The following SLAMF8 variants were observed in gnomAD, a reference collection of about 807,000 sequenced individuals.
SLAMF8 encodes B lymphocyte activator macrophage expressed.
In SLAMF8, 23 loss-of-function variants were observed where a neutral mutation model predicts 29.0. That is an observed-to-expected ratio of 0.79 (90% confidence interval 0.57 to 1.13). The LOEUF (loss-of-function observed/expected upper bound fraction) is 1.13, where lower values mean the gene tolerates loss of function less well. Ranked by LOEUF, SLAMF8 falls within the 50% of genes most tolerant of loss-of-function variation. The pLI is 0.00. For synonymous variants in SLAMF8, 139 were observed against 145.6 expected (o/e 0.96, Z 0.32); for missense variants, 381 against 353.1 (o/e 1.08, Z -0.63).
rs1273322439 is a variant in SLAMF8, at chr1:159,837,012, T to G, written c.*1752T>G. ...GATGTGGAAAGGAAAGCCCAGGATC[T>G]GACAATGAGCCCTGGTGGATTTGTG... On this transcript the variant is annotated 3_prime_UTR_variant, in exon 5 of 5. Coordinates refer to ENST00000289707, the MANE Select transcript of SLAMF8 (RefSeq NM_020125.3). The G allele has an allele frequency of 2.0e-6, 2 of 985,326 alleles. No individual in the cohort carries two copies. Among genetic ancestry groups the G allele is most frequent in the Non-Finnish European group, 2.4e-6 (2 of 829,968 alleles). The allele number at this position is 985,326 out of a possible 1,614,324, so 61.0% of individuals were successfully genotyped here.
intron 1 of SLAMF8, among the ~76,000 whole-genome samples, chr1:159,828,842 G>A (rs950513455): frequency 1.4e-5 from 2 of 140,910 alleles, no homozygotes; most frequent in Non-Finnish European, 3.3e-5. Flanking sequence ...CAGCAAAGGA[G>A]TCAGGGGGGC....
At position 159,836,651 on chromosome 1, in the gene SLAMF8, C is replaced by T; in HGVS notation, c.*1391C>T. Reference sequence around the variant, plus strand: ...CTAGGATGTCAGCCCTGTCCAAGGACCTTCCCTCTTCTCCCCAGTTCCTGG... The same window carrying T: ...CTAGGATGTCAGCCCTGTCCAAGGATCTTCCCTCTTCTCCCCAGTTCCTGG... On this transcript the variant is annotated 3_prime_UTR_variant, in exon 5 of 5. Transcript: ENST00000289707. The T allele has an allele frequency of 1.0e-6, 1 of 985,456 alleles. No individual in the cohort carries two copies. Among genetic ancestry groups the T allele is most frequent in the Non-Finnish European group, 1.2e-6 (1 of 829,956 alleles). 61.0% of individuals were successfully genotyped at this position (985,456 alleles called of 1,614,324 possible). A position where few individuals can be genotyped will look rare whatever the true frequency, so the allele number is the denominator to read the frequency against.
In SLAMF8 at chr1:159,826,956, A is replaced by T; in HGVS notation, c.40+18A>T. ...CTGGGAAGGTAAGTGGGGCAGGCAG[A>T]TAGCCTGTCCTCGGAGAGCTGAAGG... On this transcript the variant is annotated intron_variant, in intron 1 of 4. Transcript: ENST00000289707. 6.2e-7 allele frequency: 1 copy of T among 1,614,042 alleles called. No individual in the cohort carries two copies. The highest frequency in any genetic ancestry group is 1.1e-5 in the South Asian group (1 of 91,082).
intron 1 of SLAMF8, among the ~76,000 whole-genome samples, chr1:159,829,211 G>C (rs1291688110): frequency 1.3e-5 from 2 of 152,140 alleles, no homozygotes; most frequent in Non-Finnish European, 2.9e-5. Context: ...ATCCCTGCTG[G>C]AGTGATCTTT....
In SLAMF8 at chr1:159,836,917, C is replaced by T. The variant is rs886128931; in HGVS notation, c.*1657C>T. 34 of 985,442 alleles carry T rather than the reference C, an allele frequency of 3.5e-5. No homozygotes were observed. The highest frequency in any genetic ancestry group is 4.1e-5 in the Non-Finnish European group (34 of 830,002). 61.0% of individuals were successfully genotyped at this position (985,442 alleles called of 1,614,324 possible). A position where few individuals can be genotyped will look rare whatever the true frequency, so the allele number is the denominator to read the frequency against. ...AACCTGTCAGCTTGCACCATCCCCACCTGCCACCTACAGTCAGGCCACATG... is the reference window on the plus strand; with the variant it reads ...AACCTGTCAGCTTGCACCATCCCCATCTGCCACCTACAGTCAGGCCACATG... On this transcript the variant is annotated 3_prime_UTR_variant, in exon 5 of 5. Transcript: ENST00000289707.
chr1:159,837,037 G>A lies in SLAMF8; in HGVS notation c.*1777G>A. ...TGACAATGAGCCCTGGTGGATTTGT[G>A]GGGAAAAAATACACAGCACTCCCCA... On this transcript the variant is annotated 3_prime_UTR_variant, in exon 5 of 5. Coordinates refer to ENST00000289707, the MANE Select transcript of SLAMF8 (RefSeq NM_020125.3). 5.1e-6 allele frequency: 5 copies of A among 985,354 alleles called. No individual in the cohort carries two copies. Among genetic ancestry groups the A allele is most frequent in the Non-Finnish European group, 6.0e-6 (5 of 829,932 alleles). 61.0% of individuals were successfully genotyped at this position (985,354 alleles called of 1,614,324 possible). A position where few individuals can be genotyped will look rare whatever the true frequency, so the allele number is the denominator to read the frequency against.
chr1:159,830,758 G>T (rs889229668), intron 2 of SLAMF8, among the ~76,000 whole-genome samples: 1 of 152,178 alleles, frequency 6.6e-6, no homozygotes, highest in Non-Finnish European at 1.5e-5. Context: ...GTAATTAAAA[G>T]TATAGAATTT....
chr1:159,832,351 A>T (rs1369618831), intron 2 of SLAMF8, among the ~76,000 whole-genome samples: 1 of 152,186 alleles, frequency 6.6e-6, no homozygotes, highest in African/African-American at 2.4e-5. Context: ...TTCTTGCCTG[A>T]CTTAATAAAT....
chr1:159,836,556 G>A lies in SLAMF8; in HGVS notation c.*1296G>A. Reference sequence around the variant, plus strand: ...TCAATCCAGTCTTGATAACAGCGAGGAAAGAGGTATTGAAGAAACAGGGGT... The same window carrying A: ...TCAATCCAGTCTTGATAACAGCGAGAAAAGAGGTATTGAAGAAACAGGGGT... On this transcript the variant is annotated 3_prime_UTR_variant, in exon 5 of 5. Transcript: ENST00000289707. 1.0e-6 allele frequency: 1 copy of A among 985,462 alleles called. No individual in the cohort carries two copies. Among genetic ancestry groups the A allele is most frequent in the South Asian group, 4.7e-5 (1 of 21,290 alleles). The allele number at this position is 985,462 out of a possible 1,614,324, so 61.0% of individuals were successfully genotyped here.
intron 1 of SLAMF8, 22 bp from the exon 2 acceptor site, chr1:159,829,844 A>T: frequency 6.3e-7 from 1 of 1,578,140 alleles, no homozygotes; most frequent in African/African-American, 1.3e-5. Flanking sequence ...AGGCAGAGTG[A>T]CCAGGGGCTC....
chr1:159,832,457 G>T (rs1160320756), intron 2 of SLAMF8, among the ~76,000 whole-genome samples: 1 of 152,222 alleles, frequency 6.6e-6, no homozygotes, highest in African/African-American at 2.4e-5. Context: ...GCCTGGGAAG[G>T]CTTCACAGTC....
At chr1:159,834,332 G>C (rs1647736185) in intron 4 of SLAMF8, 1 of 152,250 alleles carries the variant, frequency 6.6e-6, no homozygotes, top group African/African-American at 2.4e-5. Context: ...CTCCAGCAGA[G>C]AGAAGGGCAA....
chr1:159,836,135 G>A lies in SLAMF8; in HGVS notation c.*875G>A. 1 of 985,470 alleles carries A rather than the reference G, an allele frequency of 1.0e-6. No individual in the cohort carries two copies. Among genetic ancestry groups the A allele is most frequent in the Non-Finnish European group, 1.2e-6 (1 of 829,956 alleles). 61.0% of individuals were successfully genotyped at this position (985,470 alleles called of 1,614,324 possible). On this transcript the variant is annotated 3_prime_UTR_variant, in exon 5 of 5. Transcript: ENST00000289707. ...CTTCAAGAAAAGCAGCTCAGCTCAG[G>A]ATGAGTCTTCCTGCCTGAAACTGAG...
chr1:159,832,099 G>C (rs1465726009), intron 2 of SLAMF8, among the ~76,000 whole-genome samples: 1 of 152,076 alleles, frequency 6.6e-6, no homozygotes, highest in East Asian at 1.9e-4. Flanking sequence ...TGTATAGAAA[G>C]GGGAATCCAT....
Position 159,830,147 on chromosome 1 carries a change from A to T in SLAMF8, c.322A>T (p.Thr108Ser). Residue 108 changes from threonine (T) to serine (S), a missense_variant, in exon 2 of 5, where the codon ACA (threonine) becomes TCA (serine). By Grantham distance (58) the Thr-to-Ser change is moderately conservative. Coordinates refer to ENST00000289707, the MANE Select transcript of SLAMF8 (RefSeq NM_020125.3). The part of the protein sequence containing the change: ...SGNFSVLMVD[T>S]RGQPWTQTLQ... ...CAACTTCTCCGTGTTGATGGTGGAC[A>T]CAAGGGGCCAGCCCTGGACCCAGAC... is the stretch of plus-strand genomic sequence containing the variant. The T allele has an allele frequency of 6.2e-7, 1 of 1,613,510 alleles. No homozygotes were observed. The highest frequency in any genetic ancestry group is 8.5e-7 in the Non-Finnish European group (1 of 1,179,564).
chr1:159,828,847 G>A (rs1265165098), intron 1 of SLAMF8, among the ~76,000 whole-genome samples: 2 of 152,102 alleles, frequency 1.3e-5, no homozygotes, highest in Non-Finnish European at 2.9e-5. Context: ...AAGGAGTCAG[G>A]GGGGCACTTC....
chr1:159,834,544 C>G (rs542906633), intron 4 of SLAMF8: 1 of 152,346 alleles, frequency 6.6e-6, no homozygotes, highest in African/African-American at 2.4e-5. Flanking sequence ...TTAAAGTATA[C>G]AATTCGATGC....
chr1:159,831,659 A>T (rs1044395057), intron 2 of SLAMF8, among the ~76,000 whole-genome samples: 3 of 152,250 alleles, frequency 2.0e-5, no homozygotes, highest in African/African-American at 7.2e-5. Flanking sequence ...CAGCAGCTGA[A>T]TTACAGATTT....
At position 159,835,623 on chromosome 1, in the gene SLAMF8, G is replaced by A; in HGVS notation, c.*363G>A. On this transcript the variant is annotated 3_prime_UTR_variant, in exon 5 of 5. Coordinates refer to ENST00000289707, the MANE Select transcript of SLAMF8 (RefSeq NM_020125.3). ...ACTATTCATAAAGTATTAACCAACT[G>A]GCACCAAGGAATTGCCTCCAGCCTG... 2.0e-6 allele frequency: 2 copies of A among 1,018,860 alleles called. No individual in the cohort carries two copies. Among genetic ancestry groups the A allele is most frequent in the Non-Finnish European group, 2.3e-6 (2 of 851,418 alleles). The allele number at this position is 1,018,860 out of a possible 1,614,324, so 63.1% of individuals were successfully genotyped here.
Sources: gnomAD v4.1 joint callset for allele counts (sites outside exome capture counted in the v4.1 genomes callset) on GRCh38, gnomAD v4.1.1 for gene constraint, MANE v1.5 for transcripts, NCBI Gene and HGNC (gene_info 2026-07-23, HGNC 2026-07-21) for gene names.